RSPH9: variants seen among roughly 807,000 people sequenced by gnomAD.
The protein encoded by RSPH9 is radial spoke head component 9.
A neutral mutation model predicts 27.0 loss-of-function variants in RSPH9; 27 were observed. The observed-to-expected ratio is 1.00, with a 90% CI of 0.74 to 1.38. The LOEUF is 1.38. Ranked by LOEUF, RSPH9 falls within the 40% of genes most tolerant of loss-of-function variation. The pLI is 0.00. For missense variants in RSPH9, 347 were observed against 357.4 expected, an observed-to-expected ratio of 0.97 and a Z score of 0.24; for synonymous variants, 145 against 147.7, an observed-to-expected ratio of 0.98 and a Z score of 0.13.
rs1185345935 is a variant in RSPH9 at position 43,671,829 on chromosome 6, G to A, written c.*880G>A. On this transcript the variant is annotated 3_prime_UTR_variant, in exon 5 of 5. Coordinates refer to ENST00000372163, the MANE Select transcript of RSPH9 (RefSeq NM_152732.5). ...GTCCCTCAGAAGGGGTGACCCCACG[G>A]GCATGCGCACCCTGTTCCAGCGGGG... is the stretch of plus-strand genomic sequence containing the variant. The A allele has an allele frequency of 1.9e-6, 3 of 1,614,072 alleles. No homozygotes were observed. Among genetic ancestry groups the A allele is most frequent in the African/African-American group, 1.3e-5 (1 of 74,920 alleles).
chr6:43,658,087 C>T (rs562481610), intron 4 of RSPH9, among the ~76,000 whole-genome samples: 41 of 152,092 alleles, frequency 2.7e-4, no homozygotes, highest in Admixed American at 1.5e-3. Context: ...GTCAGGAGTT[C>T]GAGACCAGTC....
Position 43,650,471 on chromosome 6 carries a change from A to C in RSPH9, c.324A>C (p.Ser108=). The C allele has an allele frequency of 4.3e-6, 7 of 1,614,228 alleles. No individual in the cohort carries two copies. The highest frequency in any genetic ancestry group is 5.9e-6 in the Non-Finnish European group (7 of 1,180,052). The change falls in exon 2 of 5, where the codon TCA becomes TCC. Residue 108 remains serine, a synonymous_variant. Transcript: ENST00000372163. The stretch of plus-strand genomic sequence containing the variant: ...AGGGCCGCTTCATGGGGGACCCATC[A>C]TACGAATATGAACACACTGAGCTGC... ...VVKGRFMGDP[S]YEYEHTELQK...
rs1032469279 is a variant in RSPH9 at position 43,645,412 on chromosome 6, G to T, written c.227+87G>T. Reference sequence around the variant, plus strand: ...GCGGGTCGCAGCAATTGAAAGGGGCGGGGCCCATGGGGCCAAGGGAGGTGT... The same window carrying T: ...GCGGGTCGCAGCAATTGAAAGGGGCTGGGCCCATGGGGCCAAGGGAGGTGT... On this transcript the variant is annotated intron_variant, in intron 1 of 4. Transcript: ENST00000372163. 68 of 1,077,340 alleles carry T rather than the reference G, an allele frequency of 6.3e-5. No homozygotes were observed. In the African/African-American group the frequency reaches 1.0e-3, roughly 16 times the overall value. The allele number at this position is 1,077,340 out of a possible 1,614,324, so 66.7% of individuals were successfully genotyped here.
chr6:43,671,580 A>C lies in RSPH9; in HGVS notation c.*631A>C, dbSNP rs1773697403. ...GCCCTGCCTGCCTCTAGCTCCCAGC[A>C]TTGCTACTGTGCAGGCCAAGGGTAC... On this transcript the variant is annotated 3_prime_UTR_variant, in exon 5 of 5. Coordinates refer to ENST00000372163, the MANE Select transcript of RSPH9 (RefSeq NM_152732.5). 1.5e-6 allele frequency: 1 copy of C among 678,928 alleles called. No individual in the cohort carries two copies. The highest frequency in any genetic ancestry group is 1.9e-5 in the South Asian group (1 of 53,404). The allele number at this position is 678,928 out of a possible 1,614,324, so 42.1% of individuals were successfully genotyped here. A position where few individuals can be genotyped will look rare whatever the true frequency, so the allele number is the denominator to read the frequency against.
intron 4 of RSPH9, among the ~76,000 whole-genome samples, chr6:43,667,471 T>C (rs546387546): frequency 1.4e-4 from 21 of 152,250 alleles, no homozygotes; most frequent in Non-Finnish European, 2.8e-4. Context: ...CTGCTGGTGG[T>C]GGTTGAGGAC....
In RSPH9 at chr6:43,671,024, C is replaced by T. The variant is rs1209377465; in HGVS notation, c.*75C>T. The T allele has an allele frequency of 2.6e-6, 4 of 1,552,240 alleles. No homozygotes were observed. Among genetic ancestry groups the T allele is most frequent in the Non-Finnish European group, 3.5e-6 (4 of 1,132,054 alleles). ...TTAAGCTTCAGTGAACTTGGCCTGC[C>T]TGTTCTGTCCTATCTTCTTAACTCC... On this transcript the variant is annotated 3_prime_UTR_variant, in exon 5 of 5. Transcript: ENST00000372163.
chr6:43,654,456 G>A (rs1329903299), intron 2 of RSPH9, among the ~76,000 whole-genome samples: 9 of 152,202 alleles, frequency 5.9e-5, no homozygotes, highest in African/African-American at 2.2e-4. Flanking sequence ...TGAAGGCTGA[G>A]GCAGGGAGAC....
At chr6:43,652,466 C>G (rs1771580032) in intron 2 of RSPH9, among the ~76,000 whole-genome samples, 2 of 150,578 alleles carry the variant, frequency 1.3e-5, no homozygotes, top group South Asian at 2.1e-4. Flanking sequence ...CGCTGTCACA[C>G]CCAGGCTGGA....
chr6:43,665,956 G>T (rs1348606405), intron 4 of RSPH9, among the ~76,000 whole-genome samples: 1 of 152,140 alleles, frequency 6.6e-6, no homozygotes, highest in South Asian at 2.1e-4. Context: ...CTCCCGAGTA[G>T]CTGGGACTAC....
At position 43,671,681 on chromosome 6, in the gene RSPH9, T is replaced by C. The variant is rs760781389; in HGVS notation, c.*732T>C. On this transcript the variant is annotated 3_prime_UTR_variant, in exon 5 of 5. Transcript: ENST00000372163. ...ATCGTGGTGGGGTGGGACAGGAGTA[T>C]AGTTGTGGCCAAGGGCTTGTGAGTG... 2.6e-6 allele frequency: 4 copies of C among 1,533,054 alleles called. No individual in the cohort carries two copies. The highest frequency in any genetic ancestry group is 1.1e-5 in the South Asian group (1 of 88,466). 95.0% of individuals were successfully genotyped at this position (1,533,054 alleles called of 1,614,324 possible). A position where few individuals can be genotyped will look rare whatever the true frequency, so the allele number is the denominator to read the frequency against.
chr6:43,655,720 C>CT, intron 3 of RSPH9, 29 bp downstream of exon 3: 7 of 1,613,726 alleles, frequency 4.3e-6, no homozygotes, highest in Non-Finnish European at 5.9e-6. Context: ...CTCTCAAGGG[C>CT]TGGGGGTATC....
At chr6:43,663,322 G>A (rs1772819506) in intron 4 of RSPH9, among the ~76,000 whole-genome samples, 1 of 151,966 alleles carries the variant, frequency 6.6e-6, no homozygotes, top group Non-Finnish European at 1.5e-5. Context: ...GGGTTCAAGC[G>A]ATTCTTCTGC....
chr6:43,653,130 T>G (rs1183229839), intron 2 of RSPH9, among the ~76,000 whole-genome samples: 1 of 152,148 alleles, frequency 6.6e-6, no homozygotes, highest in Non-Finnish European at 1.5e-5. Context: ...GATTTCCAAG[T>G]TTTAGTTCTA....
chr6:43,653,679 T>C (rs1771720300), intron 2 of RSPH9, among the ~76,000 whole-genome samples: 5 of 152,098 alleles, frequency 3.3e-5, no homozygotes, highest in Admixed American at 3.3e-4. Context: ...TCCTACCTGA[T>C]TGACTTAATC....
At chr6:43,670,608 C>T (rs567823751) in intron 4 of RSPH9, among the ~76,000 whole-genome samples, 181 bp from the exon 5 acceptor site, 10 of 152,102 alleles carry the variant, frequency 6.6e-5, no homozygotes, top group Non-Finnish European at 1.0e-4. Context: ...TCTCTTAAAA[C>T]GAAAAGAATA....
chr6:43,669,217 C>T (rs906203519), intron 4 of RSPH9, among the ~76,000 whole-genome samples: 7 of 152,180 alleles, frequency 4.6e-5, no homozygotes, highest in Admixed American at 1.3e-4. Flanking sequence ...AGGGGGCTGA[C>T]GTCATCCTTT....
chr6:43,661,780 C>T (rs967026479), intron 4 of RSPH9, among the ~76,000 whole-genome samples: 3 of 151,976 alleles, frequency 2.0e-5, no homozygotes, highest in African/African-American at 4.8e-5. Flanking sequence ...TGATCTTAGC[C>T]AGGTCTTCTG....
chr6:43,646,578 G>T (rs1770892354), intron 1 of RSPH9, among the ~76,000 whole-genome samples: 1 of 148,442 alleles, frequency 6.7e-6, no homozygotes, highest in African/African-American at 2.5e-5. Context: ...TGCCCGGCCA[G>T]CCTCTTTTTG....
At chr6:43,664,806 G>A (rs1477949770) in intron 4 of RSPH9, among the ~76,000 whole-genome samples, 2 of 152,188 alleles carry the variant, frequency 1.3e-5, no homozygotes, top group African/African-American at 4.8e-5. Flanking sequence ...ATACTTCTCA[G>A]ACTCCCCTCA....
Sources: gnomAD v4.1 joint callset for allele counts (sites outside exome capture counted in the v4.1 genomes callset) on GRCh38, gnomAD v4.1.1 for gene constraint, MANE v1.5 for transcripts, NCBI Gene and HGNC (gene_info 2026-07-23, HGNC 2026-07-21) for gene names.